Variants in ALKBH5 observed in about 807,000 individuals in gnomAD.
The protein encoded by ALKBH5 is alkB homolog 5, RNA demethylase, also known as RNA demethylase ALKBH5.
A neutral mutation model predicts 32.1 loss-of-function variants in ALKBH5; 2 were observed. That is an observed-to-expected ratio of 0.06 (90% CI 0.03 to 0.20). The LOEUF is 0.20. ALKBH5 is among the 10% of genes least tolerant of loss of function. ALKBH5 has a pLI of 1.00. For missense variants in ALKBH5, 352 were observed against 559.5 expected (o/e 0.63, Z 3.74); for synonymous variants, 300 against 231.7 (o/e 1.29, Z -2.68).
In ALKBH5 at chr17:18,208,646, G is replaced by A; in HGVS notation, c.*250G>A. 1.6e-6 allele frequency: 1 copy of A among 606,068 alleles called. No homozygotes were observed. The highest frequency in any genetic ancestry group is 3.0e-6 in the Non-Finnish European group (1 of 336,240). 37.5% of individuals were successfully genotyped at this position (606,068 alleles called of 1,614,324 possible). On this transcript the variant is annotated 3_prime_UTR_variant, in exon 4 of 4. Coordinates refer to ENST00000399138, the MANE Select transcript of ALKBH5 (RefSeq NM_017758.4). The stretch of plus-strand genomic sequence containing the variant: ...GCTGTTGGCATCAATAGGGGACAGA[G>A]GCTGATGCTGGAGTGGCCAGTAGAG...
chr17:18,193,991 C>G (rs1279074389), intron 1 of ALKBH5, among the ~76,000 whole-genome samples: 3 of 152,036 alleles, frequency 2.0e-5, no homozygotes, highest in Non-Finnish European at 2.9e-5. Context: ...ATAGGAAGCT[C>G]AGAGCTTGCT....
At chr17:18,203,468 G>A (rs376743740) in intron 2 of ALKBH5, among the ~76,000 whole-genome samples, 4 of 152,184 alleles carry the variant, frequency 2.6e-5, no homozygotes, top group Non-Finnish European at 5.9e-5. Context: ...GTAGGTGGCC[G>A]CTCTGGGTAT....
intron 1 of ALKBH5, among the ~76,000 whole-genome samples, chr17:18,190,903 A>G (rs1404557091): frequency 3.3e-5 from 5 of 152,214 alleles, no homozygotes; most frequent in African/African-American, 4.8e-5. Flanking sequence ...ACTCTGAGGT[A>G]TAGGACTAGT....
At chr17:18,201,743 TTAGATAGATAGATAGATAGA>T (rs57485964) in intron 2 of ALKBH5, among the ~76,000 whole-genome samples, 3 of 129,826 alleles carry the variant, frequency 2.3e-5, no homozygotes, top group Non-Finnish European at 3.3e-5. Context: ...AGACTCCATC[TTAGATAGATAGATAGATAGA>T]TAGATAGATA....
chr17:18,201,786 G>GATAGGATA (rs200689873), intron 2 of ALKBH5, among the ~76,000 whole-genome samples: 1 of 84,410 alleles, frequency 1.2e-5, no homozygotes, highest in East Asian at 3.5e-4. Context: ...TAGATAGATA[G>GATAGGATA]GATAGATAAG....
At chr17:18,201,286 G>T (rs561924490) in intron 2 of ALKBH5, among the ~76,000 whole-genome samples, 3 of 152,350 alleles carry the variant, frequency 2.0e-5, no homozygotes, top group Admixed American at 6.5e-5. Flanking sequence ...CCTTTTGGCA[G>T]CCTGACTGTT....
At position 18,184,304 on chromosome 17, in the gene ALKBH5, G is replaced by A. The variant is rs2047121633; in HGVS notation, c.61G>A (p.Asp21Asn). 2 of 1,527,648 alleles carry A rather than the reference G, an allele frequency of 1.3e-6. No individual in the cohort carries two copies. Among genetic ancestry groups the A allele is most frequent in the Non-Finnish European group, 1.8e-6 (2 of 1,140,186 alleles). The allele number at this position is 1,527,648 out of a possible 1,614,324, so 94.6% of individuals were successfully genotyped here. A position where few individuals can be genotyped will look rare whatever the true frequency, so the allele number is the denominator to read the frequency against. Reference sequence around the variant, plus strand: ...GAAGCTCAAGTCCATGACGTCCCGGGACAACTATAAGGCGGGCAGCCGGGA... The same window carrying A: ...GAAGCTCAAGTCCATGACGTCCCGGAACAACTATAAGGCGGGCAGCCGGGA... ...REKLKSMTSR[D>N]NYKAGSREAA... The change falls in exon 1 of 4, where the codon GAC (aspartate) becomes AAC (asparagine). Residue 21 changes from aspartate to asparagine, a missense_variant. Physicochemically the swap from Asp to Asn is conservative, Grantham distance 23 (BLOSUM62 1). Around this residue, in one of 4 missense-constraint regions of ALKBH5, gnomAD observed 144 missense variants for 125.8 expected, o/e 1.14. Transcript: ENST00000399138.
Position 18,208,253 on chromosome 17 carries a change from C to T in ALKBH5, c.1042C>T (p.Arg348Trp). ...CCTGGAGATGGACAAGGAAGAGAACCGGCGCTCGGTGCTGCTGCCCACACA... is the reference window on the plus strand; with the variant it reads ...CCTGGAGATGGACAAGGAAGAGAACTGGCGCTCGGTGCTGCTGCCCACACA... ...RILEMDKEEN[R>W]RSVLLPTHRR... Residue 348 changes from arginine to tryptophan, a missense_variant, in exon 4 of 4, where the codon CGG becomes TGG. Arg to Trp is a moderately radical substitution (Grantham distance 101). This residue lies in a region of ALKBH5 where 124 missense variants were observed against 142.4 expected (regional missense o/e 0.87). Coordinates refer to ENST00000399138, the MANE Select transcript of ALKBH5 (RefSeq NM_017758.4). 1.2e-6 allele frequency: 2 copies of T among 1,612,924 alleles called. No homozygotes were observed. The highest frequency in any genetic ancestry group is 1.7e-6 in the Non-Finnish European group (2 of 1,179,438).
In ALKBH5 at chr17:18,184,900, C is replaced by T. The variant is rs921721361; in HGVS notation, c.657C>T (p.Ser219=). 6.8e-6 allele frequency: 11 copies of T among 1,614,238 alleles called. No individual in the cohort carries two copies. Among genetic ancestry groups the T allele is most frequent in the Middle Eastern group, 1.6e-4 (1 of 6,062 alleles). The part of the protein sequence containing the change: ...HIFERPIVSV[S]FFSDSALCFG... ...TCGAGCGCCCCATCGTGTCCGTGTCCTTCTTTAGCGACTCTGCGCTGTGCT... is the reference window on the plus strand; with the variant it reads ...TCGAGCGCCCCATCGTGTCCGTGTCTTTCTTTAGCGACTCTGCGCTGTGCT... Residue 219 remains serine (S), a synonymous_variant, in exon 1 of 4, where the codon TCC becomes TCT. Transcript: ENST00000399138.
chr17:18,199,911 CCTGA>C (rs1210739678), intron 2 of ALKBH5, among the ~76,000 whole-genome samples: 1 of 151,988 alleles, frequency 6.6e-6, no homozygotes, highest in Non-Finnish European at 1.5e-5. Flanking sequence ...TCAAGACTAG[CCTGA>C]CTAACGTGAT....
intron 2 of ALKBH5, chr17:18,206,444 C>T (rs990464330): frequency 5.6e-6 from 1 of 179,158 alleles, no homozygotes; most frequent in Admixed American, 5.7e-5. Context: ...CCAGTGGGGC[C>T]GTTGGTCCTC....
intron 1 of ALKBH5, 59 bp downstream of exon 1, chr17:18,185,072 G>T: frequency 6.4e-7 from 1 of 1,562,670 alleles, no homozygotes; most frequent in Non-Finnish European, 8.6e-7. Flanking sequence ...ACCCACCCTG[G>T]CCCAGAAAGC....
At chr17:18,199,009 C>T (rs1276681329) in intron 2 of ALKBH5, among the ~76,000 whole-genome samples, 7 of 149,874 alleles carry the variant, frequency 4.7e-5, no homozygotes, top group Admixed American at 4.6e-4. Flanking sequence ...CTGCCCTTTC[C>T]CCCAGTGTGT....
rs774974383 is a variant in ALKBH5 at position 18,209,721 on chromosome 17, C to G, written c.*1325C>G. 6.6e-6 allele frequency: 1 copy of G among 152,462 alleles called. No individual in the cohort carries two copies. The highest frequency in any genetic ancestry group is 2.4e-5 in the African/African-American group (1 of 41,442). The allele number at this position is 152,462 out of a possible 1,614,324, so 9.4% of individuals were successfully genotyped here. A position where few individuals can be genotyped will look rare whatever the true frequency, so the allele number is the denominator to read the frequency against. On this transcript the variant is annotated 3_prime_UTR_variant, in exon 4 of 4. Coordinates refer to ENST00000399138, the MANE Select transcript of ALKBH5 (RefSeq NM_017758.4). Reference sequence around the variant, plus strand: ...GGGCTTTGTGTACAGAGGTCCGGGTCTGAGACCTCATAGGCTGCAGAAATC... The same window carrying G: ...GGGCTTTGTGTACAGAGGTCCGGGTGTGAGACCTCATAGGCTGCAGAAATC...
At chr17:18,197,643 G>A (rs757572754) in intron 2 of ALKBH5, among the ~76,000 whole-genome samples, 13 of 152,174 alleles carry the variant, frequency 8.5e-5, no homozygotes, top group Non-Finnish European at 1.6e-4. Context: ...ATACCTGGCC[G>A]CCCAGTCCAA....
At chr17:18,198,640 G>A (rs1052568228) in intron 2 of ALKBH5, among the ~76,000 whole-genome samples, 11 of 152,176 alleles carry the variant, frequency 7.2e-5, no homozygotes, top group African/African-American at 2.7e-4. Flanking sequence ...AGATTGCACA[G>A]GCTGCTGGTG....
At chr17:18,194,731 C>G (rs773880395) in intron 1 of ALKBH5, among the ~76,000 whole-genome samples, 4 of 152,294 alleles carry the variant, frequency 2.6e-5, no homozygotes, top group Non-Finnish European at 5.9e-5. Flanking sequence ...GCCAAGGGGT[C>G]TCCTTTGTGT....
rs373133447 is a variant in ALKBH5 at position 18,207,662 on chromosome 17, C to CA, written c.1008-543dup. Among the ~76,000 whole-genome samples, 511 of 135,118 alleles carry CA rather than the reference C, an allele frequency of 3.8e-3. 3 individuals carry two copies. The highest frequency in any genetic ancestry group is 5.3e-3 in the African/African-American group (201 of 37,712). The allele number at this position is 135,118 out of a possible 152,430, so 88.6% of individuals were successfully genotyped here. On this transcript the variant is annotated intron_variant, in intron 3 of 3. Coordinates refer to ENST00000399138, the MANE Select transcript of ALKBH5 (RefSeq NM_017758.4). ...TGTGCGACAGAGCAAGAATCCGTCT[C>CA]AAAAAAAAAAAAAATATTTTTTAAG...
intron 1 of ALKBH5, among the ~76,000 whole-genome samples, chr17:18,191,441 G>A (rs371121083): frequency 7.2e-5 from 11 of 152,338 alleles, no homozygotes; most frequent in African/African-American, 2.4e-4. Context: ...ACCTGACATG[G>A]CTTATTGTTT....
Sources: gnomAD v4.1 joint callset for allele counts (sites outside exome capture counted in the v4.1 genomes callset) on GRCh38, gnomAD v4.1.1 for gene constraint, gnomAD v4.1.1 regional missense constraint, MANE v1.5 for transcripts, NCBI Gene and HGNC (gene_info 2026-07-23, HGNC 2026-07-21) for gene names.